TEX2: variants seen among roughly 807,000 people sequenced by gnomAD.
TEX2 encodes testis expressed 2, also known as testis-expressed protein 2.
A neutral mutation model predicts 106.9 loss-of-function variants in TEX2; 53 were observed. That is an observed-to-expected ratio of 0.50 (90% CI 0.40 to 0.62). TEX2 has a LOEUF of 0.62. Among genes scored for constraint, TEX2 ranks in the 20% least tolerant of loss-of-function variants. The pLI is 0.00. For missense variants in TEX2, 1,207 were observed against 1,379.0 expected (o/e 0.88, Z 1.98); for synonymous variants, 523 against 534.8 (o/e 0.98, Z 0.30).
At position 64,213,537 on chromosome 17, in the gene TEX2, C is replaced by T. The variant is rs782459185; in HGVS notation, c.681G>A (p.Arg227=). Residue 227 remains arginine (R), a synonymous_variant, in exon 2 of 12, where the codon CGG becomes CGA. Transcript: ENST00000584379. This position sits in a 1 kb window ranked among gnomAD's most constrained non-coding sequence, Gnocchi z 4.4. ...TATAGGACACTGTATCCGACTCCTG[C>T]CGGGAAGTGTCCGTGGACAGAGACT... ...LVKSLSTDTS[R]QESDTVSYKP... 1 of 1,614,092 alleles carries T rather than the reference C, an allele frequency of 6.2e-7. No homozygotes were observed. Among genetic ancestry groups the T allele is most frequent in the Admixed American group, 1.7e-5 (1 of 60,016 alleles).
intron 1 of TEX2, among the ~76,000 whole-genome samples, chr17:64,226,330 T>G (rs1246196242): frequency 2.0e-5 from 3 of 152,150 alleles, no homozygotes; most frequent in Non-Finnish European, 4.4e-5. Context: ...TAATGACAGA[T>G]TCTCAGGAAG....
chr17:64,172,210 G>A (rs1178913266), intron 6 of TEX2, among the ~76,000 whole-genome samples: 4 of 151,908 alleles, frequency 2.6e-5, no homozygotes, highest in South Asian at 4.2e-4. Flanking sequence ...AAAATTAGCC[G>A]GGTGTGGTGG....
At chr17:64,210,429 T>A (rs974721320) in intron 2 of TEX2, among the ~76,000 whole-genome samples, 99 of 152,282 alleles carry the variant, frequency 6.5e-4, no homozygotes, top group African/African-American at 2.3e-3. Context: ...TATGCAGAAA[T>A]TTTAAAAACC....
Position 64,213,539 on chromosome 17 carries a change from G to T in TEX2, c.679C>A (p.Arg227=), listed in dbSNP as rs782732454. The T allele has an allele frequency of 4.3e-6, 7 of 1,614,078 alleles. No individual in the cohort carries two copies. In the East Asian group the frequency reaches 1.6e-4, roughly 36 times the overall value. The change falls in exon 2 of 12, where the codon CGG becomes AGG. Residue 227 remains arginine (R), a synonymous_variant. Coordinates refer to ENST00000584379, the MANE Select transcript of TEX2 (RefSeq NM_001288732.2). The surrounding 1 kb of genome is among the most constrained non-coding windows in gnomAD (Gnocchi z 4.4). The stretch of plus-strand genomic sequence containing the variant: ...TAGGACACTGTATCCGACTCCTGCC[G>T]GGAAGTGTCCGTGGACAGAGACTTG... The part of the protein sequence containing the change: ...LVKSLSTDTS[R]QESDTVSYKP...
intron 1 of TEX2, 145 bp from the exon 2 acceptor site, chr17:64,214,387 GGGTTTAAT>G: frequency 1.5e-6 from 1 of 679,124 alleles, no homozygotes; most frequent in Non-Finnish European, 2.5e-6. Context: ...TCACTTCATT[GGGTTTAAT>G]GGTTTAATTT....
At chr17:64,228,459 G>A (rs1276165829) in intron 1 of TEX2, among the ~76,000 whole-genome samples, 1 of 152,146 alleles carries the variant, frequency 6.6e-6, no homozygotes, top group Non-Finnish European at 1.5e-5. Flanking sequence ...GGGGGTGCTG[G>A]GAGACAGTGA....
At chr17:64,222,245 G>A (rs1006036413) in intron 1 of TEX2, among the ~76,000 whole-genome samples, 8 of 152,120 alleles carry the variant, frequency 5.3e-5, no homozygotes, top group Non-Finnish European at 8.8e-5. Flanking sequence ...AATTGGTCAG[G>A]CGCGGTGGCT....
rs112665037 is a variant in TEX2 at position 64,213,736 on chromosome 17, G to A, written c.482C>T (p.Ser161Phe). The A allele has an allele frequency of 6.7e-4, 1,074 of 1,614,164 alleles. 7 individuals are homozygous for A. The African/African-American group carries it at 0.013, about 20-fold the overall frequency. Residue 161 changes from serine (S) to phenylalanine (F), a missense_variant, in exon 2 of 12, where the codon TCC (serine) becomes TTC (phenylalanine). This residue lies in a region of TEX2 where 1,067 missense variants were observed against 1,193.6 expected (regional missense o/e 0.89). Transcript: ENST00000584379. The surrounding 1 kb of genome is among the most constrained non-coding windows in gnomAD (Gnocchi z 4.4). ...SSLSEQKTSS[S>F]SPLSSPSKSP... ...CTTAGAAGGAGAGGACAATGGGGAG[G>A]AAGAACTGGTTTTCTGCTCAGAAAG...
At chr17:64,247,900 A>G (rs191458222) in intron 1 of TEX2, among the ~76,000 whole-genome samples, 1 of 152,106 alleles carries the variant, frequency 6.6e-6, no homozygotes, top group East Asian at 1.9e-4. Flanking sequence ...AGATTAAAAA[A>G]CCCAGATGTA....
intron 1 of TEX2, 47 bp from the exon 2 acceptor site, chr17:64,214,289 C>T (rs1385980303): frequency 2.8e-5 from 41 of 1,480,284 alleles, no homozygotes; most frequent in Non-Finnish European, 3.7e-5. Context: ...AGTTTCTCCA[C>T]AGGAGACGCT....
At chr17:64,196,742 C>T (rs2032480671) in intron 2 of TEX2, among the ~76,000 whole-genome samples, 1 of 152,024 alleles carries the variant, frequency 6.6e-6, no homozygotes, top group Non-Finnish European at 1.5e-5. Flanking sequence ...TTGTCTTTTT[C>T]TTTAGTCTGT....
intron 2 of TEX2, among the ~76,000 whole-genome samples, chr17:64,202,850 G>C (rs2032713862): frequency 6.6e-6 from 1 of 152,158 alleles, no homozygotes; most frequent in Non-Finnish European, 1.5e-5. Flanking sequence ...CTGTTAAAAT[G>C]GACACAGTGC....
chr17:64,185,783 G>A lies in TEX2; in HGVS notation c.2424+2385C>T, dbSNP rs114341452. On this transcript the variant is annotated intron_variant, in intron 5 of 11. Coordinates refer to ENST00000584379, the MANE Select transcript of TEX2 (RefSeq NM_001288732.2). This position sits in a 1 kb window ranked among gnomAD's most constrained non-coding sequence, Gnocchi z 4.0. ...ACTAAAAATACAAAATTAGCCGGAC[G>A]TGGTAGCGTGTGACTGCAGTCCTGG... 1.5e-3 allele frequency among the ~76,000 whole-genome samples: 231 copies of A among 152,260 alleles called. 1 individual carries two copies. Among genetic ancestry groups the A allele is most frequent in the African/African-American group, 5.3e-3 (219 of 41,550 alleles).
chr17:64,225,753 T>C (rs1426973058), intron 1 of TEX2, among the ~76,000 whole-genome samples: 2 of 152,170 alleles, frequency 1.3e-5, no homozygotes, highest in Non-Finnish European at 2.9e-5. Context: ...AGTCTCGATC[T>C]GTCACCCAGG....
At chr17:64,159,792 A>G (rs2030801821) in intron 8 of TEX2, among the ~76,000 whole-genome samples, 1 of 152,246 alleles carries the variant, frequency 6.6e-6, no homozygotes, top group Non-Finnish European at 1.5e-5. Context: ...TAGATTGCAT[A>G]TAGCTGGTAA....
intron 5 of TEX2, among the ~76,000 whole-genome samples, chr17:64,184,819 C>T (rs570812562): frequency 3.9e-5 from 6 of 152,242 alleles, no homozygotes; most frequent in South Asian, 4.2e-4. Context: ...CAGTTGTTCC[C>T]GCACCTTTGT....
chr17:64,253,619 C>A (rs1316353577), intron 1 of TEX2, among the ~76,000 whole-genome samples: 5 of 152,086 alleles, frequency 3.3e-5, no homozygotes, highest in Non-Finnish European at 5.9e-5. Context: ...GGCAGAGAAG[C>A]TTCAGAGAAA....
intron 7 of TEX2, among the ~76,000 whole-genome samples, chr17:64,170,622 CTTT>C (rs71156002): frequency 2.4e-4 from 18 of 73,744 alleles, no homozygotes; most frequent in African/African-American, 9.4e-4. Context: ...TATTCCAAAT[CTTT>C]TTTTTTTTTT....
chr17:64,229,752 C>A (rs534142272), intron 1 of TEX2, among the ~76,000 whole-genome samples: 3 of 152,266 alleles, frequency 2.0e-5, no homozygotes, highest in East Asian at 1.9e-4. Context: ...TATGGACAAT[C>A]ATTTCTCTAT....
Sources: gnomAD v4.1 joint callset for allele counts (sites outside exome capture counted in the v4.1 genomes callset) on GRCh38, gnomAD v4.1.1 for gene constraint, gnomAD v4.1.1 regional missense constraint, Gnocchi (gnomAD v3.1) non-coding constraint, MANE v1.5 for transcripts, NCBI Gene and HGNC (gene_info 2026-07-23, HGNC 2026-07-21) for gene names.